The following IMMT variants were observed in gnomAD, a reference collection of about 807,000 sequenced individuals.
IMMT encodes the protein MICOS complex subunit MIC60.
IMMT carries 40 observed loss-of-function variants against 92.7 expected under a neutral mutation model. That is an observed-to-expected ratio of 0.43 (90% CI 0.34 to 0.56). IMMT has a LOEUF of 0.56. Ranked by LOEUF, IMMT falls within the 20% of genes least tolerant of loss-of-function variation. The pLI, the probability that IMMT is intolerant of heterozygous loss-of-function variation, is 0.03. For synonymous variants in IMMT, 322 were observed against 336.1 expected, an observed-to-expected ratio of 0.96 and a Z score of 0.46; for missense variants, 831 against 912.1, an observed-to-expected ratio of 0.91 and a Z score of 1.14.
intron 3 of IMMT, among the ~76,000 whole-genome samples, chr2:86,174,976 G>A (rs1573927085): frequency 6.6e-6 from 1 of 152,200 alleles, no homozygotes; most frequent in Admixed American, 6.5e-5. Context: ...GTTTTCAGAA[G>A]AGGAATTGTT....
chr2:86,165,370 T>G (rs1475565013), intron 7 of IMMT, among the ~76,000 whole-genome samples: 1 of 152,220 alleles, frequency 6.6e-6, no homozygotes, highest in Non-Finnish European at 1.5e-5. Context: ...ACTCTGATAT[T>G]TAAGTATTTT....
rs1161139736 is a variant in IMMT, at chr2:86,166,471, G to A, written c.792+37C>T. 2.6e-6 allele frequency: 4 copies of A among 1,556,908 alleles called. No individual in the cohort carries two copies. In the African/African-American group the frequency reaches 5.5e-5, roughly 21 times the overall value. On this transcript the variant is annotated intron_variant, in intron 7 of 14. Transcript: ENST00000410111. ...TTTTTCTTTTTGTCCTCCAAGTCATGACAGCCAGAACACTTCTAATCATTC... is the reference window on the plus strand; with the variant it reads ...TTTTTCTTTTTGTCCTCCAAGTCATAACAGCCAGAACACTTCTAATCATTC...
chr2:86,174,421 T>C (rs1248759977), intron 3 of IMMT, among the ~76,000 whole-genome samples: 1 of 152,216 alleles, frequency 6.6e-6, no homozygotes, highest in Admixed American at 6.5e-5. Flanking sequence ...CATGACTACT[T>C]AAACACAACA....
chr2:86,178,384 T>C (rs972016263), intron 3 of IMMT, among the ~76,000 whole-genome samples: 1 of 150,766 alleles, frequency 6.6e-6, no homozygotes, highest in Admixed American at 6.6e-5. Flanking sequence ...TCCCAGCACT[T>C]TGGGGGGCCG....
At chr2:86,145,968 G>C in intron 14 of IMMT, 100 bp downstream of exon 14, 1 of 906,518 alleles carries the variant, frequency 1.1e-6, no homozygotes, top group Non-Finnish European at 1.5e-6. Context: ...GTATTTTTAT[G>C]TCCTGATGTC....
At chr2:86,148,640 A>G (rs1437324895) in intron 12 of IMMT, among the ~76,000 whole-genome samples, 1 of 152,098 alleles carries the variant, frequency 6.6e-6, no homozygotes, top group Non-Finnish European at 1.5e-5. Flanking sequence ...AAAATTAGTA[A>G]GTATCTGGTA....
At chr2:86,169,345 TCA>T (rs1461714444) in intron 6 of IMMT, among the ~76,000 whole-genome samples, 1 of 152,200 alleles carries the variant, frequency 6.6e-6, no homozygotes, top group Non-Finnish European at 1.5e-5. Flanking sequence ...TATTAAATAT[TCA>T]CAAATATTTG....
intron 3 of IMMT, among the ~76,000 whole-genome samples, chr2:86,174,539 C>A (rs918101059): frequency 4.6e-5 from 7 of 152,110 alleles, no homozygotes; most frequent in Non-Finnish European, 8.8e-5. Flanking sequence ...CAAAATAATG[C>A]CAAGATATAT....
At chr2:86,157,804 G>A (rs139354346) in intron 10 of IMMT, among the ~76,000 whole-genome samples, 35,401 of 107,874 alleles carry the variant, frequency 0.33, 6,740 homozygotes, top group Non-Finnish European at 0.47. Context: ...AAAAAAAAAA[G>A]AAAAAAAAAA....
At chr2:86,174,250 T>G (rs1677285661) in intron 3 of IMMT, among the ~76,000 whole-genome samples, 1 of 152,252 alleles carries the variant, frequency 6.6e-6, no homozygotes, top group Non-Finnish European at 1.5e-5. Context: ...AAGCAAGGCT[T>G]GCCTTCCCCT....
In IMMT at chr2:86,156,179, CACT is replaced by C. The variant is rs562325309; in HGVS notation, c.1162+2410_1162+2412del. Among the ~76,000 whole-genome samples, 81 of 152,282 alleles carry C rather than the reference CACT, an allele frequency of 5.3e-4. 1 individual carries two copies. The highest frequency in any genetic ancestry group is 3.1e-3 in the Admixed American group (48 of 15,282). On this transcript the variant is annotated intron_variant, in intron 10 of 14. Transcript: ENST00000410111. ...TTTAGCAGCACGTCTGGCCTCCACC[CACT>C]ACATGCCAGTAGCTCCCTACAGTTG... is the stretch of plus-strand genomic sequence containing the variant.
At chr2:86,161,353 G>A (rs1225074246) in intron 8 of IMMT, among the ~76,000 whole-genome samples, 1 of 151,224 alleles carries the variant, frequency 6.6e-6, no homozygotes, top group Non-Finnish European at 1.5e-5. Context: ...GTAGAGACAG[G>A]GTCTCACCAT....
intron 10 of IMMT, among the ~76,000 whole-genome samples, chr2:86,153,968 T>C (rs1308241671): frequency 6.6e-6 from 1 of 152,050 alleles, no homozygotes; most frequent in Non-Finnish European, 1.5e-5. Context: ...GCTCAAGCAA[T>C]CCTCCCACCT....
chr2:86,168,599 G>A (rs962160470), intron 6 of IMMT, among the ~76,000 whole-genome samples: 23 of 152,068 alleles, frequency 1.5e-4, no homozygotes, highest in African/African-American at 5.6e-4. Flanking sequence ...CTCCAGCCTA[G>A]GTGACAGAGT....
intron 10 of IMMT, among the ~76,000 whole-genome samples, chr2:86,155,948 A>C (rs887910773): frequency 6.6e-6 from 1 of 152,210 alleles, no homozygotes; most frequent in African/African-American, 2.4e-5. Context: ...CAAATTTTGT[A>C]TTGTGAATAT....
At chr2:86,173,584 A>G (rs2105284144) in intron 4 of IMMT, 66 bp downstream of exon 4, 1 of 993,576 alleles carries the variant, frequency 1.0e-6, no homozygotes, top group East Asian at 2.7e-5. Context: ...CCATCTCAAA[A>G]AAAAAAAAAG....
chr2:86,192,368 G>A (rs1488407401), intron 1 of IMMT, among the ~76,000 whole-genome samples: 1 of 152,098 alleles, frequency 6.6e-6, no homozygotes, highest in African/African-American at 2.4e-5. Context: ...TCCACTTTGG[G>A]AGGCCGAGGT....
intron 13 of IMMT, 52 bp from the exon 14 acceptor site, chr2:86,146,249 A>C: frequency 6.6e-7 from 1 of 1,521,386 alleles, no homozygotes. Flanking sequence ...AATGCATGTC[A>C]TGTAACTGTG....
intron 6 of IMMT, among the ~76,000 whole-genome samples, chr2:86,170,508 C>A (rs957396294): frequency 1.3e-5 from 2 of 152,158 alleles, no homozygotes; most frequent in African/African-American, 4.8e-5. Context: ...TTAGCGCTAA[C>A]ATAATCTTTA....
Sources: gnomAD v4.1 joint callset for allele counts (sites outside exome capture counted in the v4.1 genomes callset) on GRCh38, gnomAD v4.1.1 for gene constraint, MANE v1.5 for transcripts, NCBI Gene and HGNC (gene_info 2026-07-23, HGNC 2026-07-21) for gene names.